Variants in ZNF791 observed in about 807,000 individuals in gnomAD.
The protein encoded by ZNF791 is zinc finger protein 791.
Under a neutral mutation model 11.5 loss-of-function variants are expected in ZNF791, and 4 were observed. The observed-to-expected ratio is 0.35, with a 90% confidence interval of 0.17 to 0.80. The LOEUF is 0.80. Among genes scored for constraint, ZNF791 ranks in the 30% least tolerant of loss-of-function variants. ZNF791 has a pLI of 0.53. For missense variants in ZNF791, 559 were observed against 699.4 expected, an observed-to-expected ratio of 0.80 and a Z score of 2.26; for synonymous variants, 212 against 228.1, an observed-to-expected ratio of 0.93 and a Z score of 0.64.
chr19:12,618,943 G>T (rs1193152744), intron 1 of ZNF791, among the ~76,000 whole-genome samples: 1 of 150,970 alleles, frequency 6.6e-6, no homozygotes, highest in African/African-American at 2.4e-5. Flanking sequence ...CGCCTCCTGG[G>T]TTCAAGCGAT....
At chr19:12,626,313 C>A (rs1040797374) in intron 3 of ZNF791, among the ~76,000 whole-genome samples, 1 of 147,288 alleles carries the variant, frequency 6.8e-6, no homozygotes, top group African/African-American at 2.5e-5. Flanking sequence ...CCATGCCCAG[C>A]CAATTTTTGT....
chr19:12,612,568 A>C (rs1266864542), intron 1 of ZNF791, among the ~76,000 whole-genome samples: 1 of 149,144 alleles, frequency 6.7e-6, no homozygotes, highest in Non-Finnish European at 1.5e-5. Flanking sequence ...CAACCTCCCA[A>C]GTAGCTGGGA....
chr19:12,621,828 C>T (rs1599324266), intron 1 of ZNF791, among the ~76,000 whole-genome samples: 1 of 140,090 alleles, frequency 7.1e-6, no homozygotes, highest in Non-Finnish European at 1.6e-5. Context: ...GGCGCCTCTG[C>T]CCGGCCACCA....
intron 1 of ZNF791, among the ~76,000 whole-genome samples, chr19:12,613,186 C>T (rs868210693): frequency 5.3e-5 from 8 of 150,888 alleles, no homozygotes; most frequent in Admixed American, 5.3e-4. Flanking sequence ...TCTCGAACTC[C>T]GGACCGCAGG....
rs1475099962 is a variant in ZNF791 at position 12,627,895 on chromosome 19, C to T, written c.366C>T (p.His122=). The change falls in exon 4 of 4, where the codon CAC becomes CAT. Residue 122 remains histidine, a synonymous_variant. Transcript: ENST00000343325. ...CCCTTACTAGACACATGAGGTCTCA[C>T]ACTGGATACGAGCTATTTGAGAAGC... ...LSSLTRHMRS[H]TGYELFEKPY... The T allele has an allele frequency of 2.5e-6, 4 of 1,614,050 alleles. No homozygotes were observed. The African/African-American group carries it at 4.0e-5, about 16-fold the overall frequency.
intron 2 of ZNF791, 79 bp from the exon 3 acceptor site, chr19:12,624,571 C>T: frequency 9.1e-7 from 1 of 1,098,252 alleles, no homozygotes. Context: ...ATGGTTACAG[C>T]TCATTGTGAA....
intron 1 of ZNF791, among the ~76,000 whole-genome samples, chr19:12,617,267 A>G (rs2023257779): frequency 6.6e-6 from 1 of 151,664 alleles, no homozygotes; most frequent in African/African-American, 2.4e-5. Context: ...CTGGGATTAC[A>G]GGCACGTGCC....
chr19:12,611,054 C>T lies in ZNF791; in HGVS notation c.-26C>T. 3 of 1,614,168 alleles carry T rather than the reference C, an allele frequency of 1.9e-6. No individual in the cohort carries two copies. Among genetic ancestry groups the T allele is most frequent in the Non-Finnish European group, 1.7e-6 (2 of 1,180,014 alleles). On this transcript the variant is annotated 5_prime_UTR_variant, in exon 1 of 4. Transcript: ENST00000343325. ...CTGGCTCCGTGAACCTTAGGGACAA[C>T]ACCGGGACACCCGCGAGGCCGGAAA...
At chr19:12,612,016 A>G (rs1399785178) in intron 1 of ZNF791, among the ~76,000 whole-genome samples, 5 of 152,226 alleles carry the variant, frequency 3.3e-5, no homozygotes, top group African/African-American at 1.2e-4. Flanking sequence ...TCCCAATATT[A>G]CATTTGTTAA....
Position 12,628,436 on chromosome 19 carries a change from A to T in ZNF791, c.907A>T (p.Lys303Ter). 1 of 1,610,416 alleles carries T rather than the reference A, an allele frequency of 6.2e-7. No homozygotes were observed. The highest frequency in any genetic ancestry group is 8.5e-7 in the Non-Finnish European group (1 of 1,178,216). Reference sequence around the variant, plus strand: ...CACTGGAGAGAAACCCTATAAATGTAAACAATGTGGTAAAGCCTTCAGATG... The same window carrying T: ...CACTGGAGAGAAACCCTATAAATGTTAACAATGTGGTAAAGCCTTCAGATG... The part of the protein sequence containing the change: ...IHTGEKPYKC[K>*]QCGKAFRCST... Residue 303 changes from lysine to a stop codon, truncating the protein, a stop_gained, in exon 4 of 4, where the codon AAA (lysine) becomes TAA (stop). Coordinates refer to ENST00000343325, the MANE Select transcript of ZNF791 (RefSeq NM_153358.3). LOFTEE classifies it low-confidence loss of function (END_TRUNC).
Position 12,615,287 on chromosome 19 carries a change from C to T in ZNF791, c.3+4205C>T, listed in dbSNP as rs1476067760. 2.0e-5 allele frequency among the ~76,000 whole-genome samples: 3 copies of T among 152,026 alleles called. No individual in the cohort carries two copies. In the East Asian group the frequency reaches 5.8e-4, roughly 30 times the overall value. ...CGCCCTGGCCTCCCACAGCGCATGG[C>T]CTCCCACAATTTCTTGACATCCAAA... On this transcript the variant is annotated intron_variant, in intron 1 of 3. Transcript: ENST00000343325.
intron 1 of ZNF791, among the ~76,000 whole-genome samples, chr19:12,622,584 G>A (rs2023371094): frequency 6.6e-6 from 1 of 151,640 alleles, no homozygotes; most frequent in Non-Finnish European, 1.5e-5. Context: ...GAGAGTTAAA[G>A]GTCAACCTGG....
intron 3 of ZNF791, among the ~76,000 whole-genome samples, chr19:12,626,855 T>C (rs1034769447): frequency 6.6e-6 from 1 of 152,094 alleles, no homozygotes; most frequent in African/African-American, 2.4e-5. Context: ...TCTGCCCGTC[T>C]CGGCCTCCCA....
chr19:12,623,870 T>TTTTTTTTTGGG (rs1555703477), intron 2 of ZNF791, 44 bp downstream of exon 2: 2 of 715,330 alleles, frequency 2.8e-6, no homozygotes, highest in African/African-American at 2.1e-5. Flanking sequence ...TTTTTTTTTT[T>TTTTTTTTTGGG]GGGGGGGGAC....
intron 2 of ZNF791, 47 bp downstream of exon 2, chr19:12,623,873 G>GGGGT: frequency 1.0e-6 from 1 of 991,746 alleles, no homozygotes. Flanking sequence ...TTTTTTTTGG[G>GGGGT]GGGGGACAGA....
Position 12,628,993 on chromosome 19 carries a change from A to G in ZNF791, c.1464A>G (p.Arg488=), listed in dbSNP as rs748554686. ...SCSSYIRIHK[R]THTGEKPYEC... ...CTAGTTACATTCGGATACATAAAAG[A>G]ACTCACACTGGGGAGAAACCTTATG... The change falls in exon 4 of 4, where the codon AGA becomes AGG. Residue 488 remains arginine, a synonymous_variant. Coordinates refer to ENST00000343325, the MANE Select transcript of ZNF791 (RefSeq NM_153358.3). The G allele has an allele frequency of 6.2e-7, 1 of 1,614,092 alleles. No homozygotes were observed. The highest frequency in any genetic ancestry group is 1.1e-5 in the South Asian group (1 of 91,040).
At position 12,623,848 on chromosome 19, in the gene ZNF791, CTTTTT is replaced by C. The variant is rs753518795; in HGVS notation, c.130+24_130+28del. The C allele has an allele frequency of 3.4e-5, 27 of 798,976 alleles. 1 individual carries two copies. The highest frequency in any genetic ancestry group is 4.3e-5 in the Non-Finnish European group (25 of 587,382). 49.5% of individuals were successfully genotyped at this position (798,976 alleles called of 1,614,324 possible). A position where few individuals can be genotyped will look rare whatever the true frequency, so the allele number is the denominator to read the frequency against. On this transcript the variant is annotated intron_variant, in intron 2 of 3. Coordinates refer to ENST00000343325, the MANE Select transcript of ZNF791 (RefSeq NM_153358.3). ...ATAGGTAAGGATGACATCATTTTTT[CTTTTT>C]TCTTTTTTTTTTTTTTTGGGGGGGG... is the stretch of plus-strand genomic sequence containing the variant.
At chr19:12,622,422 A>AC (rs2023368029) in intron 1 of ZNF791, among the ~76,000 whole-genome samples, 1 of 146,492 alleles carries the variant, frequency 6.8e-6, no homozygotes, top group Non-Finnish European at 1.5e-5. Flanking sequence ...AAAAAAAAAA[A>AC]AAAAAAAAAA....
rs1387063967 is a variant in ZNF791 at position 12,611,077 on chromosome 19, A to G, written c.-3A>G. On this transcript the variant is annotated 5_prime_UTR_variant, in exon 1 of 4. Transcript: ENST00000343325. ...AACACCGGGACACCCGCGAGGCCGG[A>G]AAATGGTGAGTGTGCAGGGCCGGAC... 4 of 1,613,958 alleles carry G rather than the reference A, an allele frequency of 2.5e-6. No homozygotes were observed. Among genetic ancestry groups the G allele is most frequent in the Non-Finnish European group, 3.4e-6 (4 of 1,180,008 alleles).
Sources: allele counts gnomAD v4.1 joint callset (sites outside exome capture counted in the v4.1 genomes callset), GRCh38; gene constraint gnomAD v4.1.1; transcripts MANE v1.5; gene names NCBI Gene and HGNC (gene_info 2026-07-23, HGNC 2026-07-21).